HECW1: variants seen among roughly 807,000 people sequenced by gnomAD.
HECW1 encodes E3 ubiquitin-protein ligase HECW1.
In HECW1, 61 loss-of-function variants were observed where a neutral mutation model predicts 182.3. The observed-to-expected ratio is 0.33, with a 90% CI of 0.27 to 0.41. The LOEUF is 0.41. Among genes scored for constraint, HECW1 ranks in the 10% least tolerant of loss-of-function variants. HECW1 has a pLI of 1.00. For synonymous variants in HECW1, 859 were observed against 832.6 expected (o/e 1.03, Z -0.55); for missense variants, 1,739 against 2,108.9 (o/e 0.82, Z 3.44).
intron 5 of HECW1, among the ~76,000 whole-genome samples, chr7:43,333,857 G>C (rs1298658234): frequency 6.6e-6 from 1 of 152,156 alleles, no homozygotes; most frequent in Non-Finnish European, 1.5e-5. Context: ...TTGTAATAAA[G>C]AGGTGGCAGA....
chr7:43,295,918 A>C (rs1805988651), intron 3 of HECW1, among the ~76,000 whole-genome samples: 1 of 152,248 alleles, frequency 6.6e-6, no homozygotes, highest in Non-Finnish European at 1.5e-5. Context: ...TTAAAAACTC[A>C]AATCTATAGA....
At chr7:43,560,887 C>A (rs1034383055) in intron 29 of HECW1, among the ~76,000 whole-genome samples, 3 of 152,196 alleles carry the variant, frequency 2.0e-5, no homozygotes, top group Non-Finnish European at 4.4e-5. Context: ...AACACCATTT[C>A]AACACACCAC....
chr7:43,143,068 T>A (rs1198481917), intron 2 of HECW1, among the ~76,000 whole-genome samples: 1 of 152,184 alleles, frequency 6.6e-6, no homozygotes, highest in Non-Finnish European at 1.5e-5. Context: ...AGTGGCATGA[T>A]CTTGGCTCAC....
At chr7:43,504,907 C>T (rs2079515073) in intron 21 of HECW1, among the ~76,000 whole-genome samples, 1 of 152,160 alleles carries the variant, frequency 6.6e-6, no homozygotes, top group South Asian at 2.1e-4. Context: ...GAGGTGTCCT[C>T]ACTAAGGTCG....
chr7:43,342,001 T>C (rs1026209004), intron 5 of HECW1, among the ~76,000 whole-genome samples: 3 of 151,900 alleles, frequency 2.0e-5, no homozygotes, highest in Non-Finnish European at 2.9e-5. Context: ...TTAAAAATTA[T>C]GTAATTTTAT....
Position 43,444,906 on chromosome 7 carries a change from G to GGCAGAGGAGGAGGACGGC in HECW1, c.1737_1754dup (p.Asp583_Glu588dup), listed in dbSNP as rs760940872. The GGCAGAGGAGGAGGACGGC allele has an allele frequency of 1.2e-6, 2 of 1,601,918 alleles. No homozygotes were observed. On this transcript the variant is annotated inframe_insertion, in exon 11 of 30. Transcript: ENST00000395891. This position sits in a 1 kb window ranked among gnomAD's most constrained non-coding sequence, Gnocchi z 4.3. Reference sequence around the variant, plus strand: ...TGCCCTCCGCCCAGGGCGGCAGCGCGGCAGAGGAGGAGGACGGCGCGGAGG... The same window carrying GGCAGAGGAGGAGGACGGC: ...TGCCCTCCGCCCAGGGCGGCAGCGCGGCAGAGGAGGAGGACGGCGCAGAGGAGGAGGACGGCGCGGAGG...
At chr7:43,116,985 G>A (rs1389029750) in intron 2 of HECW1, among the ~76,000 whole-genome samples, 3 of 152,150 alleles carry the variant, frequency 2.0e-5, no homozygotes, top group Admixed American at 1.3e-4. Flanking sequence ...AAATAATTAA[G>A]GCTACATGGT....
chr7:43,248,259 A>G (rs78893787), intron 3 of HECW1, among the ~76,000 whole-genome samples: 2,965 of 152,212 alleles, frequency 0.019, 100 homozygotes, highest in African/African-American at 0.068. Context: ...CTCTCCTGAC[A>G]CAGAATGGGC....
At chr7:43,421,060 T>C (rs2076166572) in intron 8 of HECW1, among the ~76,000 whole-genome samples, 1 of 152,198 alleles carries the variant, frequency 6.6e-6, no homozygotes, top group African/African-American at 2.4e-5. Context: ...TATGAAGCTC[T>C]AAGAATTAAA....
rs73320443 is a variant in HECW1 at position 43,289,994 on chromosome 7, G to A, written c.28-21769G>A. The stretch of plus-strand genomic sequence containing the variant: ...AGCTTGAGTTAGGATAAAGCGGGTT[G>A]TGGAGGCCAAGGCCTTTGTTATGTA... On this transcript the variant is annotated intron_variant, in intron 3 of 29. Coordinates refer to ENST00000395891, the MANE Select transcript of HECW1 (RefSeq NM_015052.5). Among the ~76,000 whole-genome samples the A allele has an allele frequency of 4.4e-3, 671 of 152,356 alleles. 3 individuals carry two copies. Among genetic ancestry groups the A allele is most frequent in the African/African-American group, 0.015 (643 of 41,590 alleles).
chr7:43,449,523 T>C (rs1363723484), intron 11 of HECW1, among the ~76,000 whole-genome samples: 2 of 152,244 alleles, frequency 1.3e-5, no homozygotes, highest in Non-Finnish European at 2.9e-5. Flanking sequence ...TTTATTTTTA[T>C]TTTTGATCAG....
intron 2 of HECW1, among the ~76,000 whole-genome samples, chr7:43,206,733 G>A (rs866791520): frequency 6.6e-6 from 1 of 151,930 alleles, no homozygotes; most frequent in Non-Finnish European, 1.5e-5. Flanking sequence ...TTTTACACTC[G>A]GTTCATATTT....
intron 11 of HECW1, among the ~76,000 whole-genome samples, chr7:43,446,953 G>A (rs1268866209): frequency 6.6e-6 from 1 of 152,184 alleles, no homozygotes; most frequent in Admixed American, 6.5e-5. Context: ...GTGGCATCAG[G>A]TGATGTATGG....
At chr7:43,178,276 G>T (rs1459914845) in intron 2 of HECW1, among the ~76,000 whole-genome samples, 1 of 151,662 alleles carries the variant, frequency 6.6e-6, no homozygotes, top group Non-Finnish European at 1.5e-5. Context: ...AAAGTACTGG[G>T]ATTACAGGCG....
chr7:43,209,198 C>A (rs1283040191), intron 2 of HECW1, among the ~76,000 whole-genome samples: 1 of 152,072 alleles, frequency 6.6e-6, no homozygotes, highest in Non-Finnish European at 1.5e-5. Context: ...CCCTCACAAT[C>A]TTGCCCATGA....
rs543146036 is a variant in HECW1 at position 43,267,229 on chromosome 7, G to A, written c.27+23297G>A. ...CTATACAATTAGCAATATACTACTGGGGCATGAGAACATCCTCAATAAATT... is the reference window on the plus strand; with the variant it reads ...CTATACAATTAGCAATATACTACTGAGGCATGAGAACATCCTCAATAAATT... On this transcript the variant is annotated intron_variant, in intron 3 of 29. Transcript: ENST00000395891. Among the ~76,000 whole-genome samples, 15 of 152,126 alleles carry A rather than the reference G, an allele frequency of 9.9e-5. No individual in the cohort carries two copies. In the East Asian group the frequency reaches 2.9e-3, roughly 29 times the overall value.
intron 3 of HECW1, among the ~76,000 whole-genome samples, chr7:43,256,501 C>T (rs1800588417): frequency 6.6e-6 from 1 of 150,798 alleles, no homozygotes; most frequent in Non-Finnish European, 1.5e-5. Flanking sequence ...CCCAGCTACT[C>T]GGGAGGCTGA....
intron 2 of HECW1, among the ~76,000 whole-genome samples, chr7:43,122,946 G>A (rs779337700): frequency 1.3e-5 from 2 of 152,096 alleles, no homozygotes; most frequent in Non-Finnish European, 2.9e-5. Context: ...GAGCTATTAT[G>A]TGAAAAGCAT....
chr7:43,377,318 A>T (rs2074372282), intron 6 of HECW1, among the ~76,000 whole-genome samples: 1 of 152,184 alleles, frequency 6.6e-6, no homozygotes, highest in Non-Finnish European at 1.5e-5. Flanking sequence ...ATTAACTATG[A>T]TCAACTCATT....
Sources: allele counts gnomAD v4.1 joint callset (sites outside exome capture counted in the v4.1 genomes callset), GRCh38; gene constraint gnomAD v4.1.1; non-coding constraint Gnocchi (gnomAD v3.1); transcripts MANE v1.5; gene names NCBI Gene and HGNC (gene_info 2026-07-23, HGNC 2026-07-21).